NEGR1: variants seen among roughly 807,000 people sequenced by gnomAD.
NEGR1 encodes the protein IgLON family member 4.
A neutral mutation model predicts 40.9 loss-of-function variants in NEGR1; 10 were observed. The ratio of observed to expected loss-of-function variants is 0.24; its 90% CI spans 0.15 to 0.42. The LOEUF (loss-of-function observed/expected upper bound fraction) is 0.42, where lower values mean the gene tolerates loss of function less well. Ranked by LOEUF, NEGR1 falls within the 10% of genes least tolerant of loss-of-function variation. The pLI, the probability that NEGR1 is intolerant of heterozygous loss-of-function variation, is 1.00. For missense variants in NEGR1, 352 were observed against 438.9 expected (o/e 0.80, Z 1.77); for synonymous variants, 185 against 166.8 (o/e 1.11, Z -0.84).
intron 4 of NEGR1, among the ~76,000 whole-genome samples, chr1:71,671,618 T>C (rs1652434164): frequency 6.6e-6 from 1 of 152,152 alleles, no homozygotes; most frequent in Admixed American, 6.5e-5. Context: ...CAATCTCAAC[T>C]CCATCTTGGT....
rs191704404 is a variant in NEGR1 at position 71,531,910 on chromosome 1, T to G, written c.940+60907A>C. Among the ~76,000 whole-genome samples, 569 of 150,440 alleles carry G rather than the reference T, an allele frequency of 3.8e-3. 2 individuals carry two copies. Among genetic ancestry groups the G allele is most frequent in the Non-Finnish European group, 5.0e-3 (336 of 67,556 alleles). ...ATTTTTGATTGATTACAATTTGAGA[T>G]AGAATTTTTTTTTTCATTTCTAAAA... On this transcript the variant is annotated intron_variant, in intron 6 of 6. Transcript: ENST00000357731.
chr1:71,699,587 T>C (rs1441909558), intron 3 of NEGR1, among the ~76,000 whole-genome samples: 1 of 151,872 alleles, frequency 6.6e-6, no homozygotes, highest in Non-Finnish European at 1.5e-5. Flanking sequence ...CAAGAATTTT[T>C]AAAATATAAC....
chr1:71,773,325 T>C (rs1195827326), intron 3 of NEGR1, among the ~76,000 whole-genome samples: 1 of 152,224 alleles, frequency 6.6e-6, no homozygotes, highest in Non-Finnish European at 1.5e-5. Context: ...ATGAGGTATA[T>C]CTACATCTGT....
At chr1:71,915,661 C>T (rs1031593916) in intron 2 of NEGR1, among the ~76,000 whole-genome samples, 5 of 152,060 alleles carry the variant, frequency 3.3e-5, no homozygotes, top group Non-Finnish European at 5.9e-5. Flanking sequence ...AGTGGCAGAG[C>T]CAAGGTCCAC....
At chr1:71,741,255 T>C (rs961833114) in intron 3 of NEGR1, among the ~76,000 whole-genome samples, 7 of 152,182 alleles carry the variant, frequency 4.6e-5, no homozygotes, top group African/African-American at 1.7e-4. Flanking sequence ...ATTAAGAGCT[T>C]AGAGAATATC....
At position 71,992,474 on chromosome 1, in the gene NEGR1, C is replaced by T. The variant is rs190309868; in HGVS notation, c.177-57163G>A. Among the ~76,000 whole-genome samples, 4 of 151,732 alleles carry T rather than the reference C, an allele frequency of 2.6e-5. No individual in the cohort carries two copies. In the East Asian group the frequency reaches 7.8e-4, roughly 29 times the overall value. On this transcript the variant is annotated intron_variant, in intron 1 of 6. Coordinates refer to ENST00000357731, the MANE Select transcript of NEGR1 (RefSeq NM_173808.3). ...CATGTAGTTTGAAAATTTCTAGTGA[C>T]CAACTTAAAAAATAGTAAAAAGATA...
rs185454457 is a variant in NEGR1, at chr1:71,751,679, C to T, written c.535+24493G>A. Among the ~76,000 whole-genome samples the T allele has an allele frequency of 1.1e-3, 172 of 152,122 alleles. 1 individual carries two copies. Among genetic ancestry groups the T allele is most frequent in the Non-Finnish European group, 8.8e-5 (6 of 67,992 alleles). On this transcript the variant is annotated intron_variant, in intron 3 of 6. Coordinates refer to ENST00000357731, the MANE Select transcript of NEGR1 (RefSeq NM_173808.3). ...CTGTCAATCAATGGAAGCCCACAGG[C>T]CTCCCAGGCAAATGTGCTAACTCCA...
At chr1:71,525,178 G>A (rs543984998) in intron 6 of NEGR1, among the ~76,000 whole-genome samples, 1 of 151,866 alleles carries the variant, frequency 6.6e-6, no homozygotes, top group Non-Finnish European at 1.5e-5. Context: ...TTTCCTAAGT[G>A]CAAGGCACAA....
intron 1 of NEGR1, among the ~76,000 whole-genome samples, chr1:72,269,072 C>T (rs1655755062): frequency 6.6e-6 from 1 of 151,488 alleles, no homozygotes; most frequent in African/African-American, 2.4e-5. Context: ...CTATTGGATA[C>T]AAACAAGTTT....
intron 1 of NEGR1, among the ~76,000 whole-genome samples, chr1:72,172,690 C>G (rs1453868031): frequency 6.6e-6 from 1 of 152,190 alleles, no homozygotes; most frequent in East Asian, 1.9e-4. Context: ...TATGAAGTCA[C>G]AAGTCTGAAA....
intron 2 of NEGR1, among the ~76,000 whole-genome samples, chr1:71,814,514 G>C (rs1416571389): frequency 6.6e-6 from 1 of 152,054 alleles, no homozygotes; most frequent in Non-Finnish European, 1.5e-5. Flanking sequence ...AACTCTGGTA[G>C]AATTCAGCTG....
intron 1 of NEGR1, among the ~76,000 whole-genome samples, chr1:72,139,977 A>C (rs1175299793): frequency 6.6e-6 from 1 of 152,052 alleles, no homozygotes; most frequent in Non-Finnish European, 1.5e-5. Context: ...AGATGAGTTT[A>C]CCACTCCATC....
chr1:72,077,267 G>T (rs935170419), intron 1 of NEGR1, among the ~76,000 whole-genome samples: 2 of 151,988 alleles, frequency 1.3e-5, no homozygotes, highest in African/African-American at 4.8e-5. Context: ...TTGAACAATG[G>T]GATGTCATCA....
chr1:71,549,076 C>A (rs754889178), intron 6 of NEGR1, among the ~76,000 whole-genome samples: 14 of 151,648 alleles, frequency 9.2e-5, no homozygotes, highest in Non-Finnish European at 1.9e-4. Flanking sequence ...TAAATGTTTT[C>A]AGAGAAACCA....
chr1:72,152,955 GAAAC>G (rs1651181491), intron 1 of NEGR1, among the ~76,000 whole-genome samples: 1 of 151,784 alleles, frequency 6.6e-6, no homozygotes, highest in South Asian at 2.1e-4. Flanking sequence ...CATCAATATG[GAAAC>G]AATAGACACT....
intron 6 of NEGR1, chr1:71,422,874 T>C (rs1448986814): frequency 6.6e-6 from 1 of 151,000 alleles, no homozygotes; most frequent in Non-Finnish European, 1.5e-5. Flanking sequence ...TCTCTTTATA[T>C]TGAACATTTT....
chr1:72,223,036 G>T (rs1405512506), intron 1 of NEGR1, among the ~76,000 whole-genome samples: 2 of 152,132 alleles, frequency 1.3e-5, no homozygotes, highest in Non-Finnish European at 2.9e-5. Context: ...TAATGTGACT[G>T]AATGATTCAA....
At chr1:71,731,318 A>T (rs1017569414) in intron 3 of NEGR1, among the ~76,000 whole-genome samples, 2 of 152,190 alleles carry the variant, frequency 1.3e-5, no homozygotes, top group African/African-American at 4.8e-5. Context: ...CCCTCTACTC[A>T]GAGTGGCTCT....
At position 72,176,787 on chromosome 1, in the gene NEGR1, C is replaced by T. The variant is rs949858278; in HGVS notation, c.176+105532G>A. On this transcript the variant is annotated intron_variant, in intron 1 of 6. Coordinates refer to ENST00000357731, the MANE Select transcript of NEGR1 (RefSeq NM_173808.3). ...CAAATCATGGGAAGCCTCTATGCCT[C>T]GATAAGGTATATATGCCAGGGGAGA... Among the ~76,000 whole-genome samples the T allele has an allele frequency of 2.6e-5, 4 of 151,862 alleles. No homozygotes were observed. In the South Asian group the frequency reaches 6.2e-4, roughly 24 times the overall value.
Sources: gnomAD v4.1 joint callset for allele counts (sites outside exome capture counted in the v4.1 genomes callset) on GRCh38, gnomAD v4.1.1 for gene constraint, MANE v1.5 for transcripts, NCBI Gene and HGNC (gene_info 2026-07-23, HGNC 2026-07-21) for gene names.